The following FRMPD4 variants were observed in gnomAD, a reference collection of about 807,000 sequenced individuals.
FRMPD4 encodes the protein FERM and PDZ domain-containing protein 4.
Under a neutral mutation model 94.1 loss-of-function variants are expected in FRMPD4, and 22 were observed. That is an observed-to-expected ratio of 0.23 (90% confidence interval 0.17 to 0.33). The LOEUF (loss-of-function observed/expected upper bound fraction) is 0.33. Among genes scored for constraint, FRMPD4 ranks in the 10% least tolerant of loss-of-function variants. The pLI, the probability that FRMPD4 is intolerant of heterozygous loss-of-function variation, is 1.00. For missense variants in FRMPD4, 1,111 were observed against 1,339.9 expected (o/e 0.83, Z 2.67); for synonymous variants, 631 against 548.6 (o/e 1.15, Z -2.10).
intron 3 of FRMPD4, among the ~76,000 whole-genome samples, chrX:12,121,499 T>G (rs1455190912): frequency 1.8e-5 from 2 of 111,675 alleles, no homozygotes; most frequent in Non-Finnish European, 3.8e-5. Flanking sequence ...AAGAGTATAA[T>G]GGGGATTTGG....
At chrX:12,673,184 G>A (rs2059861155) in intron 4 of FRMPD4, among the ~76,000 whole-genome samples, 1 of 112,142 alleles carries the variant, frequency 8.9e-6, no homozygotes, top group Admixed American at 9.4e-5. Flanking sequence ...GCCAGGCAGG[G>A]CAGATAGTTC....
intron 3 of FRMPD4, among the ~76,000 whole-genome samples, chrX:11,907,816 C>T (rs1207626054): frequency 9.0e-6 from 1 of 111,448 alleles, no homozygotes; most frequent in Non-Finnish European, 1.9e-5. Context: ...TGTTTTTGCA[C>T]CTTTTTTTCC....
At chrX:12,242,560 A>T (rs1038895628) in intron 1 of FRMPD4, among the ~76,000 whole-genome samples, 3 of 112,461 alleles carry the variant, frequency 2.7e-5, no homozygotes, top group African/African-American at 9.7e-5. Context: ...CATTTAACAA[A>T]TGCATTTGTG....
At chrX:12,288,674 G>A (rs191935144) in intron 1 of FRMPD4, among the ~76,000 whole-genome samples, 70 of 111,711 alleles carry the variant, frequency 6.3e-4, no homozygotes, top group East Asian at 3.6e-3. Context: ...CCAAGATGTA[G>A]CATCTCCAGT....
chrX:11,903,656 A>G (rs2053950629), intron 3 of FRMPD4, among the ~76,000 whole-genome samples: 1 of 112,809 alleles, frequency 8.9e-6, no homozygotes, highest in African/African-American at 3.2e-5. Context: ...TTTGTTCTCC[A>G]TTGAAAATTC....
intron 1 of FRMPD4, among the ~76,000 whole-genome samples, chrX:12,388,621 A>C (rs1185779707): frequency 1.9e-5 from 2 of 106,139 alleles, no homozygotes; most frequent in Non-Finnish European, 3.9e-5. Flanking sequence ...AAAAAAAAAA[A>C]AACTAAATAA....
intron 3 of FRMPD4, among the ~76,000 whole-genome samples, chrX:11,964,229 G>A (rs181022326): frequency 3.7e-4 from 40 of 109,500 alleles, no homozygotes; most frequent in African/African-American, 1.2e-3. Flanking sequence ...GCGCAATCTC[G>A]GCTCACTGCA....
chrX:12,648,061 A>C (rs2059563874), intron 4 of FRMPD4, among the ~76,000 whole-genome samples: 1 of 110,570 alleles, frequency 9.0e-6, no homozygotes, highest in Non-Finnish European at 1.9e-5. Context: ...TCAGCCAAGC[A>C]CTCCTGATCT....
chrX:12,199,187 A>G (rs1318026982), intron 1 of FRMPD4, among the ~76,000 whole-genome samples: 1 of 110,550 alleles, frequency 9.0e-6, no homozygotes, highest in Non-Finnish European at 1.9e-5. Context: ...GTTTTTCACT[A>G]ACATTTCTTT....
chrX:12,001,025 A>C (rs1490792834), intron 3 of FRMPD4, among the ~76,000 whole-genome samples: 2 of 112,133 alleles, frequency 1.8e-5, no homozygotes, highest in African/African-American at 3.2e-5. Flanking sequence ...AGAAATGTTA[A>C]AGTACTTCAT....
intron 3 of FRMPD4, among the ~76,000 whole-genome samples, chrX:12,115,951 G>A (rs1464111930): frequency 8.9e-6 from 1 of 111,988 alleles, no homozygotes; most frequent in Non-Finnish European, 1.9e-5. Context: ...TGAGGCTCAT[G>A]GATGAATGGC....
At chrX:12,559,442 G>A (rs2058628702) in intron 2 of FRMPD4, among the ~76,000 whole-genome samples, 1 of 111,155 alleles carries the variant, frequency 9.0e-6, no homozygotes, top group African/African-American at 3.3e-5. Flanking sequence ...TTGAGGTCAG[G>A]AGTTTGAGAC....
chrX:12,693,614 T>C (rs180741093), intron 8 of FRMPD4, among the ~76,000 whole-genome samples: 1 of 112,322 alleles, frequency 8.9e-6, no homozygotes, highest in East Asian at 2.8e-4. Context: ...TCTGTCTTCC[T>C]ACTTTCCAAT....
intron 1 of FRMPD4, among the ~76,000 whole-genome samples, chrX:12,483,631 T>C (rs750245704): frequency 2.8e-4 from 31 of 111,719 alleles, no homozygotes; most frequent in Non-Finnish European, 5.3e-4. Flanking sequence ...TTGTGTGCAT[T>C]AGGGGAATTT....
At chrX:12,441,893 C>T (rs1452730501) in intron 1 of FRMPD4, among the ~76,000 whole-genome samples, 6 of 111,522 alleles carry the variant, frequency 5.4e-5, no homozygotes, top group South Asian at 3.8e-4. Context: ...CAATTCTCAT[C>T]GATATAGTTT....
chrX:12,702,325 C>T (rs1034577302), intron 10 of FRMPD4, among the ~76,000 whole-genome samples: 17 of 112,314 alleles, frequency 1.5e-4, no homozygotes, highest in Admixed American at 5.6e-4. Flanking sequence ...TCTCACAACA[C>T]CCCTATGAGA....
In FRMPD4 at chrX:12,651,742, G is replaced by A. The variant is rs191972997; in HGVS notation, c.423-23121G>A. Among the ~76,000 whole-genome samples the A allele has an allele frequency of 1.6e-4, 18 of 111,867 alleles. No individual in the cohort carries two copies. The East Asian group carries it at 3.9e-3, about 24-fold the overall frequency. ...CGGACTGCTGAACAGAAGGTGAAGT[G>A]AGCGTTGAAAGAGAACAGAATCAAA... On this transcript the variant is annotated intron_variant, in intron 4 of 16. Coordinates refer to ENST00000675598, the MANE Select transcript of FRMPD4 (RefSeq NM_001368397.1).
At chrX:12,016,006 T>G (rs1470265799) in intron 3 of FRMPD4, among the ~76,000 whole-genome samples, 1 of 112,676 alleles carries the variant, frequency 8.9e-6, no homozygotes, top group Non-Finnish European at 1.9e-5. Context: ...TCAGAGTTTC[T>G]CTTACTTGCA....
Position 12,569,991 on chromosome X carries a change from C to T in FRMPD4, c.159-39730C>T, listed in dbSNP as rs189310699. Among the ~76,000 whole-genome samples the T allele has an allele frequency of 3.6e-5, 4 of 112,384 alleles. No individual in the cohort carries two copies. The Admixed American group carries it at 3.8e-4, about 11-fold the overall frequency. On this transcript the variant is annotated intron_variant, in intron 2 of 16. Transcript: ENST00000675598. The stretch of plus-strand genomic sequence containing the variant: ...GAGCTCAAATGTGGAACACACTATG[C>T]ACCAGGTAAATTTAAATGGCTTTCA...
Sources: allele counts gnomAD v4.1 joint callset (sites outside exome capture counted in the v4.1 genomes callset), GRCh38; gene constraint gnomAD v4.1.1; transcripts MANE v1.5; gene names NCBI Gene and HGNC (gene_info 2026-07-23, HGNC 2026-07-21).